LNP1: variants seen among roughly 807,000 people sequenced by gnomAD.
The protein encoded by LNP1 is leukemia NUP98 fusion partner 1.
A neutral mutation model predicts 14.5 loss-of-function variants in LNP1; 12 were observed. That is an observed-to-expected ratio of 0.83 (90% CI 0.53 to 1.34). LNP1 has a LOEUF of 1.34. LNP1 is among the 40% of genes most tolerant of loss of function. The pLI is 0.00. For missense variants in LNP1, 198 were observed against 210.9 expected (o/e 0.94, Z 0.38); for synonymous variants, 75 against 71.4 (o/e 1.05, Z -0.26).
intron 2 of LNP1, among the ~76,000 whole-genome samples, chr3:100,446,143 A>G (rs933374848): frequency 3.3e-5 from 5 of 152,146 alleles, no homozygotes; most frequent in African/African-American, 9.7e-5. Flanking sequence ...CATTGCCAAG[A>G]CAATCCTAAG....
chr3:100,413,291 G>A (rs1046782777), intron 1 of LNP1, among the ~76,000 whole-genome samples: 91 of 152,258 alleles, frequency 6.0e-4, no homozygotes, highest in African/African-American at 2.0e-3. Context: ...AATCCTGATG[G>A]TTTCTGCATT....
At chr3:100,437,860 A>G (rs7433331) in intron 2 of LNP1, among the ~76,000 whole-genome samples, 14,766 of 152,276 alleles carry the variant, frequency 0.097, 1,980 homozygotes, top group East Asian at 0.31. Context: ...AAAGGATTTA[A>G]TACTGCTAAT....
At chr3:100,448,326 C>T (rs1337754497) in intron 2 of LNP1, among the ~76,000 whole-genome samples, 2 of 152,104 alleles carry the variant, frequency 1.3e-5, no homozygotes, top group Non-Finnish European at 2.9e-5. Flanking sequence ...CAAAACAAAC[C>T]TTACTGCCTG....
intron 2 of LNP1, among the ~76,000 whole-genome samples, chr3:100,437,835 G>A (rs1476856347): frequency 6.6e-6 from 1 of 152,226 alleles, no homozygotes; most frequent in Non-Finnish European, 1.5e-5. Context: ...TAAAGTTGTT[G>A]CTGTTGTTAA....
chr3:100,445,693 GA>G (rs1239509392), intron 2 of LNP1, among the ~76,000 whole-genome samples: 3 of 152,184 alleles, frequency 2.0e-5, no homozygotes, highest in Non-Finnish European at 4.4e-5. Context: ...AATATATTTA[GA>G]AAACCCCATC....
At chr3:100,438,096 C>G (rs1453256043) in intron 2 of LNP1, among the ~76,000 whole-genome samples, 1 of 152,140 alleles carries the variant, frequency 6.6e-6, no homozygotes, top group Non-Finnish European at 1.5e-5. Context: ...ATGGGTCTTA[C>G]TATGCCAGCA....
intron 1 of LNP1, among the ~76,000 whole-genome samples, chr3:100,411,023 A>C (rs1264500573): frequency 2.6e-5 from 4 of 152,130 alleles, no homozygotes; most frequent in Admixed American, 6.6e-5. Flanking sequence ...TTACTCCTTA[A>C]GCTGAAGGGG....
intron 1 of LNP1, among the ~76,000 whole-genome samples, chr3:100,409,606 A>AT (rs201827312): frequency 0.22 from 27,193 of 123,776 alleles, 4,033 homozygotes; most frequent in Middle Eastern, 0.33. Context: ...ATATATATAT[A>AT]TTTTTTTTTT....
intron 1 of LNP1, among the ~76,000 whole-genome samples, chr3:100,406,143 G>A (rs540796956): frequency 1.6e-4 from 24 of 152,144 alleles, no homozygotes; most frequent in African/African-American, 2.2e-4. Flanking sequence ...AAAATTAGCC[G>A]GGCATGGTGG....
intron 2 of LNP1, among the ~76,000 whole-genome samples, chr3:100,441,008 C>T (rs538918287): frequency 3.3e-5 from 5 of 152,144 alleles, no homozygotes; most frequent in East Asian, 3.9e-4. Flanking sequence ...CCAGTGCCTG[C>T]GCTACACAGG....
intron 2 of LNP1, among the ~76,000 whole-genome samples, chr3:100,440,217 G>A (rs560314708): frequency 1.3e-5 from 2 of 152,264 alleles, no homozygotes; most frequent in East Asian, 1.9e-4. Context: ...CTCATTTAAC[G>A]TAATCACCTC....
intron 1 of LNP1, among the ~76,000 whole-genome samples, chr3:100,417,833 TGTTA>T (rs1258522940): frequency 2.0e-5 from 3 of 152,278 alleles, no homozygotes; most frequent in East Asian, 1.9e-4. Context: ...TCTTTATAAT[TGTTA>T]GTTAGTCTTG....
chr3:100,451,940 T>C lies in LNP1; in HGVS notation c.378T>C (p.Ser126=), dbSNP rs1418042591. The C allele has an allele frequency of 5.0e-6, 8 of 1,610,840 alleles. No individual in the cohort carries two copies. Among genetic ancestry groups the C allele is most frequent in the Non-Finnish European group, 6.8e-6 (8 of 1,178,180 alleles). Residue 126 remains serine, a synonymous_variant, in exon 3 of 4, where the codon TCT becomes TCC. Coordinates refer to ENST00000383693, the MANE Select transcript of LNP1 (RefSeq NM_001085451.2). The part of the protein sequence containing the change: ...ERQLCFRTKR[S]ASLGPESRKE... Reference sequence around the variant, plus strand: ...AACTGTGCTTTAGAACCAAGCGTTCTGCCTCTTTGGTATGTAACAGAGCTA... The same window carrying C: ...AACTGTGCTTTAGAACCAAGCGTTCCGCCTCTTTGGTATGTAACAGAGCTA...
intron 2 of LNP1, among the ~76,000 whole-genome samples, chr3:100,433,495 T>A (rs1434007285): frequency 6.6e-6 from 1 of 152,226 alleles, no homozygotes; most frequent in East Asian, 1.9e-4. Flanking sequence ...TGGTCCTATG[T>A]CTTTGCTATA....
At chr3:100,411,577 G>T (rs531167139) in intron 1 of LNP1, among the ~76,000 whole-genome samples, 2 of 152,316 alleles carry the variant, frequency 1.3e-5, no homozygotes, top group African/African-American at 4.8e-5. Flanking sequence ...GCAGAAATTT[G>T]TTTATCATGC....
chr3:100,434,598 G>A (rs143086912), intron 2 of LNP1, among the ~76,000 whole-genome samples: 14 of 148,548 alleles, frequency 9.4e-5, no homozygotes, highest in African/African-American at 2.2e-4. Context: ...GTGAGATCTC[G>A]GCTCACTACA....
At chr3:100,439,340 C>T (rs115521750) in intron 2 of LNP1, among the ~76,000 whole-genome samples, 2,156 of 152,006 alleles carry the variant, frequency 0.014, 29 homozygotes, top group African/African-American at 0.04. Flanking sequence ...TGGTAAGAGT[C>T]TGATATGTTT....
Position 100,414,462 on chromosome 3 carries a change from G to A in LNP1, c.-34+12023G>A, listed in dbSNP as rs569441969. ...CTTGGGAGACCGAGGCAGGAGAATC[G>A]CTTGAACCTGGGAGGCAGAGGTTGC... On this transcript the variant is annotated intron_variant, in intron 1 of 3. Transcript: ENST00000383693. 1.1e-4 allele frequency among the ~76,000 whole-genome samples: 17 copies of A among 151,968 alleles called. No homozygotes were observed. In the East Asian group the frequency reaches 2.9e-3, roughly 26 times the overall value.
chr3:100,416,882 T>A (rs1040182720), intron 1 of LNP1, among the ~76,000 whole-genome samples: 21 of 152,104 alleles, frequency 1.4e-4, no homozygotes, highest in Admixed American at 9.8e-4. Context: ...CTCCCTCCCC[T>A]TTCCCCTAAC....
Sources: allele counts gnomAD v4.1 joint callset (sites outside exome capture counted in the v4.1 genomes callset), GRCh38; gene constraint gnomAD v4.1.1; transcripts MANE v1.5; gene names NCBI Gene and HGNC (gene_info 2026-07-23, HGNC 2026-07-21).